The following PCDHGA8 variants were observed in gnomAD, a reference collection of about 807,000 sequenced individuals.
PCDHGA8 encodes the protein protocadherin gamma-A8.
Under a neutral mutation model 59.2 loss-of-function variants are expected in PCDHGA8, and 45 were observed. The ratio of observed to expected loss-of-function variants is 0.76; its 90% CI spans 0.60 to 0.98. PCDHGA8 has a LOEUF of 0.98. PCDHGA8 is among the 50% of genes least tolerant of loss of function. The pLI, the probability that PCDHGA8 is intolerant of heterozygous loss-of-function variation, is 0.00. For synonymous variants in PCDHGA8, 531 were observed against 519.0 expected (o/e 1.02, Z -0.32); for missense variants, 1,257 against 1,196.2 (o/e 1.05, Z -0.75).
chr5:141,404,709 A>G (rs746275941), intron 1 of PCDHGA8: 33 of 1,613,624 alleles, frequency 2.0e-5, no homozygotes, highest in Non-Finnish European at 2.7e-5. Flanking sequence ...GAGCCTGGCT[A>G]CCTGGTGACC....
rs2099748032 is a variant in PCDHGA8 at position 141,493,397 on chromosome 5, G to A, written c.2425-1410G>A. ...TTAAAAGCTTGAGGACAGGAGAGGG[G>A]AGTTGCCTCTGCTGGGATTTTGCTT... On this transcript the variant is annotated intron_variant, in intron 1 of 3. Coordinates refer to ENST00000398604, the MANE Select transcript of PCDHGA8 (RefSeq NM_032088.2). This position sits in a 1 kb window ranked among gnomAD's most constrained non-coding sequence, Gnocchi z 4.3. Among the ~76,000 whole-genome samples the A allele has an allele frequency of 6.6e-6, 1 of 152,176 alleles. No individual in the cohort carries two copies. Among genetic ancestry groups the A allele is most frequent in the Non-Finnish European group, 1.5e-5 (1 of 68,040 alleles).
rs1384790784 is a variant in PCDHGA8, at chr5:141,431,800, G to T, written c.2424+36563G>T. 1 of 1,614,206 alleles carries T rather than the reference G, an allele frequency of 6.2e-7. No individual in the cohort carries two copies. Among genetic ancestry groups the T allele is most frequent in the African/African-American group, 1.3e-5 (1 of 75,054 alleles). ...ACGTGAACGACAATGCCCCAGAAGT[G>T]GTCCTCACCTCTCTCGCCAGCTCGG... On this transcript the variant is annotated intron_variant, in intron 1 of 3. Transcript: ENST00000398604. This position sits in a 1 kb window ranked among gnomAD's most constrained non-coding sequence, Gnocchi z 4.8.
intron 1 of PCDHGA8, among the ~76,000 whole-genome samples, chr5:141,450,951 A>G (rs1018018318): frequency 1.3e-5 from 2 of 151,732 alleles, no homozygotes; most frequent in Non-Finnish European, 2.9e-5. Context: ...CAGCCTCCCA[A>G]GTAGCTGGGA....
At chr5:141,399,255 G>A (rs767281843) in intron 1 of PCDHGA8, 6 of 1,613,892 alleles carry the variant, frequency 3.7e-6, no homozygotes, top group Non-Finnish European at 5.1e-6. Context: ...GGGAAAATGG[G>A]GAGGTTAATT....
At position 141,476,318 on chromosome 5, in the gene PCDHGA8, G is replaced by A. The variant is rs767809530; in HGVS notation, c.2425-18489G>A. ...TAGCCTCTCAGCCCGCAGGTTCCGG[G>A]TGGTGTCTGGAGCTAGCCGAAGATT... is the stretch of plus-strand genomic sequence containing the variant. On this transcript the variant is annotated intron_variant, in intron 1 of 3. Coordinates refer to ENST00000398604, the MANE Select transcript of PCDHGA8 (RefSeq NM_032088.2). This position sits in a 1 kb window ranked among gnomAD's most constrained non-coding sequence, Gnocchi z 7.6. The A allele has an allele frequency of 6.2e-6, 10 of 1,614,084 alleles. No homozygotes were observed. Among genetic ancestry groups the A allele is most frequent in the Non-Finnish European group, 7.6e-6 (9 of 1,180,060 alleles).
chr5:141,423,139 G>A (rs2096713828), intron 1 of PCDHGA8: 2 of 1,613,616 alleles, frequency 1.2e-6, no homozygotes, highest in Middle Eastern at 1.7e-4. Flanking sequence ...GGACAGAGAC[G>A]CGCTCAAGCA....
intron 1 of PCDHGA8, among the ~76,000 whole-genome samples, chr5:141,461,126 T>C (rs575819058): frequency 6.6e-6 from 1 of 152,260 alleles, no homozygotes; most frequent in Non-Finnish European, 1.5e-5. Flanking sequence ...TTTCATATAA[T>C]TACTTATTTT....
intron 1 of PCDHGA8, chr5:141,478,576 G>T (rs543160289): frequency 5.0e-6 from 8 of 1,585,598 alleles, no homozygotes; most frequent in Non-Finnish European, 6.9e-6. Flanking sequence ...GCTTGACCCT[G>T]TTAGTGCTTT....
At chr5:141,408,271 T>C (rs948446189) in intron 1 of PCDHGA8, 7 of 1,610,858 alleles carry the variant, frequency 4.3e-6, no homozygotes, top group Non-Finnish European at 5.9e-6. Context: ...TGCTGCTGCC[T>C]TTGTTCTACC....
In PCDHGA8 at chr5:141,511,007, G is replaced by C. The variant is rs780918754; in HGVS notation, c.2633G>C (p.Arg878Pro). Residue 878 changes from arginine to proline, a missense_variant, in exon 4 of 4, where the codon CGC (arginine) becomes CCC (proline). Physicochemically the swap from Arg to Pro is moderately radical, Grantham distance 103. Coordinates refer to ENST00000398604, the MANE Select transcript of PCDHGA8 (RefSeq NM_032088.2). Reference protein sequence around the residue: ...GGAGTMGLSARYGPQFTLQHV... With the variant: ...GGAGTMGLSAPYGPQFTLQHV... ...GCCGGCACCATGGGATTGAGCGCCC[G>C]CTACGGACCCCAGTTCACCCTGCAG... The C allele has an allele frequency of 1.9e-6, 3 of 1,614,042 alleles. No homozygotes were observed. The highest frequency in any genetic ancestry group is 2.7e-5 in the African/African-American group (2 of 74,910).
rs2150509668 is a variant in PCDHGA8 at position 141,393,129 on chromosome 5, A to T, written c.316A>T (p.Ile106Phe). The change falls in exon 1 of 4, where the codon ATT becomes TTT. Residue 106 changes from isoleucine to phenylalanine, a missense_variant. Coordinates refer to ENST00000398604, the MANE Select transcript of PCDHGA8 (RefSeq NM_032088.2). ...TCAGAGCCCGCGGTGTCTGATAAAT[A>T]TTAACACCCTGGTTGAGGATAAAGG... Reference protein sequence around the residue: ...CAQSPRCLININTLVEDKGKL... With the variant: ...CAQSPRCLINFNTLVEDKGKL... 2 of 1,613,426 alleles carry T rather than the reference A, an allele frequency of 1.2e-6. No individual in the cohort carries two copies. The highest frequency in any genetic ancestry group is 1.7e-6 in the Non-Finnish European group (2 of 1,179,900).
intron 1 of PCDHGA8, among the ~76,000 whole-genome samples, chr5:141,406,485 G>T (rs2094815755): frequency 6.6e-6 from 1 of 152,142 alleles, no homozygotes; most frequent in Non-Finnish European, 1.5e-5. Flanking sequence ...ATATTTTTCA[G>T]ATCACAAGTG....
intron 1 of PCDHGA8, among the ~76,000 whole-genome samples, chr5:141,475,171 C>A (rs545499118): frequency 6.6e-6 from 1 of 152,164 alleles, no homozygotes; most frequent in African/African-American, 2.4e-5. Context: ...AGCAGTGCAA[C>A]TTCTTGTGGC....
rs978782104 is a variant in PCDHGA8 at position 141,431,445 on chromosome 5, G to C, written c.2424+36208G>C. 1 of 1,613,742 alleles carries C rather than the reference G, an allele frequency of 6.2e-7. No homozygotes were observed. On this transcript the variant is annotated intron_variant, in intron 1 of 3. Transcript: ENST00000398604. This position sits in a 1 kb window ranked among gnomAD's most constrained non-coding sequence, Gnocchi z 4.8. ...GTGCGCACAGGCACCGCGCGCATCC[G>C]CGTGATGGTTCTGGATGCGAACGAC...
chr5:141,403,079 T>A (rs770770660), intron 1 of PCDHGA8: 1 of 1,614,064 alleles, frequency 6.2e-7, no homozygotes, highest in East Asian at 2.2e-5. Context: ...AGAAAAGGGC[T>A]ATATTGTGGG....
chr5:141,404,000 A>T (rs758512396), intron 1 of PCDHGA8: 2 of 1,613,956 alleles, frequency 1.2e-6, no homozygotes, highest in South Asian at 1.1e-5. Context: ...AGTGACCATT[A>T]CATCTCTGTT....
intron 1 of PCDHGA8, among the ~76,000 whole-genome samples, chr5:141,463,527 G>C (rs12109431): frequency 1.5e-5 from 2 of 131,102 alleles, no homozygotes; most frequent in Non-Finnish European, 3.1e-5. Context: ...CGGCTTACTA[G>C]AAACTCCGGC....
intron 1 of PCDHGA8, among the ~76,000 whole-genome samples, chr5:141,407,232 A>G (rs2094902362): frequency 6.6e-6 from 1 of 152,242 alleles, no homozygotes; most frequent in African/African-American, 2.4e-5. Flanking sequence ...CAAAAAAAAT[A>G]AAGCATACTT....
At position 141,505,390 on chromosome 5, in the gene PCDHGA8, C is replaced by T; in HGVS notation, c.2484-3C>T. On this transcript the variant is annotated splice_polypyrimidine_tract_variant and splice_region_variant and intron_variant, in intron 2 of 3. Coordinates refer to ENST00000398604, the MANE Select transcript of PCDHGA8 (RefSeq NM_032088.2). ...TGTGCTCACCATCCTACTCTCTCCCCAGCTCCCAAAATGGCGATGACACCG... is the reference window on the plus strand; with the variant it reads ...TGTGCTCACCATCCTACTCTCTCCCTAGCTCCCAAAATGGCGATGACACCG... The T allele has an allele frequency of 6.2e-7, 1 of 1,614,130 alleles. No individual in the cohort carries two copies.
Sources: gnomAD v4.1 joint callset for allele counts (sites outside exome capture counted in the v4.1 genomes callset) on GRCh38, gnomAD v4.1.1 for gene constraint, Gnocchi (gnomAD v3.1) non-coding constraint, MANE v1.5 for transcripts, NCBI Gene and HGNC (gene_info 2026-07-23, HGNC 2026-07-21) for gene names.